Variants in TBCEL observed in about 807,000 individuals in gnomAD.
TBCEL encodes the protein tubulin-specific chaperone cofactor E-like protein.
TBCEL carries 15 observed loss-of-function variants against 44.2 expected under a neutral mutation model. That is an observed-to-expected ratio of 0.34 (90% confidence interval 0.23 to 0.52). TBCEL has a LOEUF of 0.52. Ranked by LOEUF, TBCEL falls within the 20% of genes least tolerant of loss-of-function variation. TBCEL has a pLI of 0.95. For missense variants in TBCEL, 319 were observed against 506.3 expected, an observed-to-expected ratio of 0.63 and a Z score of 3.55; for synonymous variants, 171 against 185.4, an observed-to-expected ratio of 0.92 and a Z score of 0.63.
chr11:121,039,035 C>G (rs1320682896), intron 2 of TBCEL, among the ~76,000 whole-genome samples: 2 of 152,178 alleles, frequency 1.3e-5, no homozygotes, highest in Non-Finnish European at 2.9e-5. Flanking sequence ...TCCTTGCACT[C>G]TAGTCACTGT....
rs1044767424 is a variant in TBCEL at position 121,087,356 on chromosome 11, G to T, written c.*260G>T. On this transcript the variant is annotated 3_prime_UTR_variant, in exon 9 of 9. Coordinates refer to ENST00000683345, the MANE Select transcript of TBCEL (RefSeq NM_001363644.2). ...GCCCTCTCTAAGGAAAGATGACAAA[G>T]AAATCACCGACTTCTTACTGTGTTC... The T allele has an allele frequency of 2.5e-5, 11 of 441,980 alleles. No individual in the cohort carries two copies. The highest frequency in any genetic ancestry group is 2.0e-4 in the African/African-American group (10 of 50,334). 27.4% of individuals were successfully genotyped at this position (441,980 alleles called of 1,614,324 possible).
intron 7 of TBCEL, among the ~76,000 whole-genome samples, chr11:121,059,162 C>G (rs1945674435): frequency 6.6e-6 from 1 of 151,874 alleles, no homozygotes; most frequent in South Asian, 2.1e-4. Flanking sequence ...AAGAGTGGTT[C>G]TTTAAACAGG....
Position 121,087,541 on chromosome 11 carries a change from T to G in TBCEL, c.*445T>G, listed in dbSNP as rs1946237169. ...AGAACTTCTCTCTCCCAGTTCTTCC[T>G]TCCGCTACCCTCCCTCCTTGGCTTT... On this transcript the variant is annotated 3_prime_UTR_variant, in exon 9 of 9. Transcript: ENST00000683345. The G allele has an allele frequency of 6.4e-6, 1 of 155,780 alleles. No homozygotes were observed. Among genetic ancestry groups the G allele is most frequent in the Admixed American group, 6.4e-5 (1 of 15,660 alleles). The allele number at this position is 155,780 out of a possible 1,614,324, so 9.6% of individuals were successfully genotyped here. A position where few individuals can be genotyped will look rare whatever the true frequency, so the allele number is the denominator to read the frequency against.
At chr11:121,052,146 A>T in intron 4 of TBCEL, among the ~76,000 whole-genome samples, 1 of 151,858 alleles carries the variant, frequency 6.6e-6, no homozygotes, top group Non-Finnish European at 1.5e-5. Context: ...ATAATGGTTC[A>T]TATTATGCTT....
chr11:121,087,183 T>G lies in TBCEL; in HGVS notation c.*87T>G. On this transcript the variant is annotated 3_prime_UTR_variant, in exon 9 of 9. Coordinates refer to ENST00000683345, the MANE Select transcript of TBCEL (RefSeq NM_001363644.2). ...TGTGGTTTTCTTTAGGAGGGAGAGG[T>G]TGTTTTTGTTTTGTTTTGTTCTGTT... 7.6e-7 allele frequency: 1 copy of G among 1,323,892 alleles called. No homozygotes were observed. The highest frequency in any genetic ancestry group is 1.0e-6 in the Non-Finnish European group (1 of 974,110). The allele number at this position is 1,323,892 out of a possible 1,614,324, so 82.0% of individuals were successfully genotyped here. A position where few individuals can be genotyped will look rare whatever the true frequency, so the allele number is the denominator to read the frequency against.
chr11:121,085,318 G>A (rs937578740), intron 8 of TBCEL, among the ~76,000 whole-genome samples: 1 of 152,256 alleles, frequency 6.6e-6, no homozygotes, highest in African/African-American at 2.4e-5. Context: ...GATTACAGGC[G>A]TGAGCCACCG....
At chr11:121,024,556 A>G (rs6589852) in intron 1 of TBCEL, among the ~76,000 whole-genome samples, 54,298 of 149,318 alleles carry the variant, frequency 0.36, 10,428 homozygotes, top group African/African-American at 0.5. Flanking sequence ...GGGCTGGGGG[A>G]CTGGTCCCGG....
At chr11:121,080,208 A>G (rs112817905) in intron 8 of TBCEL, among the ~76,000 whole-genome samples, 181 of 152,284 alleles carry the variant, frequency 1.2e-3, no homozygotes, top group African/African-American at 3.7e-3. Flanking sequence ...ACATTTCTTA[A>G]AGAGAGAGAT....
At chr11:121,056,222 A>C (rs1945618215) in intron 6 of TBCEL, among the ~76,000 whole-genome samples, 1 of 151,888 alleles carries the variant, frequency 6.6e-6, no homozygotes, top group Non-Finnish European at 1.5e-5. Flanking sequence ...TCTAGTTGGA[A>C]TCATACAGTA....
intron 1 of TBCEL, among the ~76,000 whole-genome samples, chr11:121,032,395 C>T (rs558588869): frequency 7.9e-5 from 12 of 152,278 alleles, no homozygotes; most frequent in Admixed American, 5.2e-4. Flanking sequence ...GAAATTGTTA[C>T]TCCTAGGGGA....
intron 1 of TBCEL, among the ~76,000 whole-genome samples, chr11:121,024,939 G>T (rs1591372689): frequency 6.6e-6 from 1 of 152,296 alleles, no homozygotes; most frequent in Admixed American, 6.5e-5. Context: ...GTGCCTTGTC[G>T]TGGGATCTTG....
At chr11:121,045,849 T>A in intron 3 of TBCEL, 26 bp downstream of exon 3, 1 of 1,542,308 alleles carries the variant, frequency 6.5e-7, no homozygotes, top group African/African-American at 1.4e-5. Flanking sequence ...CCTAAAACAC[T>A]TATTTAGTGG....
chr11:121,062,012 C>T (rs2134966860), intron 8 of TBCEL, among the ~76,000 whole-genome samples: 1 of 151,942 alleles, frequency 6.6e-6, no homozygotes, highest in East Asian at 1.9e-4. Context: ...TACAGCTGTA[C>T]CAAAGCATTT....
At chr11:121,055,475 A>G (rs1179397297) in intron 6 of TBCEL, among the ~76,000 whole-genome samples, 167 bp downstream of exon 6, 1 of 151,950 alleles carries the variant, frequency 6.6e-6, no homozygotes, top group African/African-American at 2.4e-5. Context: ...ATTCATTTTC[A>G]TAAATGATCT....
At chr11:121,026,647 A>G (rs971315936) in intron 1 of TBCEL, among the ~76,000 whole-genome samples, 3 of 152,226 alleles carry the variant, frequency 2.0e-5, no homozygotes, top group African/African-American at 7.2e-5. Context: ...TGTGTGTTAT[A>G]AATCTTTCTT....
intron 8 of TBCEL, among the ~76,000 whole-genome samples, chr11:121,070,182 T>C (rs1945902324): frequency 6.6e-6 from 1 of 152,126 alleles, no homozygotes; most frequent in Non-Finnish European, 1.5e-5. Flanking sequence ...AGAATGGCGA[T>C]CATTAAAAAG....
chr11:121,052,071 G>A (rs1192343761), intron 4 of TBCEL, among the ~76,000 whole-genome samples: 6 of 151,834 alleles, frequency 4.0e-5, no homozygotes, highest in Non-Finnish European at 8.8e-5. Context: ...AGTAATTATG[G>A]TGGAACCTTG....
intron 8 of TBCEL, among the ~76,000 whole-genome samples, chr11:121,085,389 C>T (rs1946198338): frequency 6.6e-6 from 1 of 152,088 alleles, no homozygotes; most frequent in African/African-American, 2.4e-5. Context: ...TTCAGAGCAG[C>T]AGTATTTTAT....
rs189232770 is a variant in TBCEL, at chr11:121,057,945, C to T, written c.713-400C>T. Among the ~76,000 whole-genome samples, 261 of 151,804 alleles carry T rather than the reference C, an allele frequency of 1.7e-3. 3 individuals carry two copies. Among genetic ancestry groups the T allele is most frequent in the Non-Finnish European group, 5.3e-4 (36 of 67,816 alleles). On this transcript the variant is annotated intron_variant, in intron 6 of 8. Transcript: ENST00000683345. ...TGAGTATGTTAGTATCAACTCTGATCGATAGTTTTATTCCATGAGTCTATA... is the reference window on the plus strand; with the variant it reads ...TGAGTATGTTAGTATCAACTCTGATTGATAGTTTTATTCCATGAGTCTATA...
Sources: allele counts gnomAD v4.1 joint callset (sites outside exome capture counted in the v4.1 genomes callset), GRCh38; gene constraint gnomAD v4.1.1; transcripts MANE v1.5; gene names NCBI Gene and HGNC (gene_info 2026-07-23, HGNC 2026-07-21).